Variants in NRG1 observed in about 807,000 individuals in gnomAD.
The protein encoded by NRG1 is neuregulin 1.
Under a neutral mutation model 63.8 loss-of-function variants are expected in NRG1, and 18 were observed. That is an observed-to-expected ratio of 0.28 (90% CI 0.19 to 0.42). NRG1 has a LOEUF of 0.42. Among genes scored for constraint, NRG1 ranks in the 10% least tolerant of loss-of-function variants. The pLI, the probability that NRG1 is intolerant of heterozygous loss-of-function variation, is 1.00. For missense variants in NRG1, 762 were observed against 814.7 expected (o/e 0.94, Z 0.79); for synonymous variants, 302 against 301.3 (o/e 1.00, Z -0.02).
At chr8:32,511,527 C>A (rs780688293) in intron 1 of NRG1, among the ~76,000 whole-genome samples, 17 of 151,686 alleles carry the variant, frequency 1.1e-4, no homozygotes, top group Non-Finnish European at 2.5e-4. Flanking sequence ...CACTTCTGAT[C>A]AGTGTTCCAC....
chr8:31,667,887 C>T (rs1348605281), intron 1 of NRG1, among the ~76,000 whole-genome samples: 2 of 152,090 alleles, frequency 1.3e-5, no homozygotes, highest in African/African-American at 4.8e-5. Flanking sequence ...GAGCTTATGG[C>T]TATTTTCTCG....
intron 1 of NRG1, among the ~76,000 whole-genome samples, chr8:32,206,566 T>G (rs1376535858): frequency 6.6e-6 from 1 of 152,202 alleles, no homozygotes; most frequent in East Asian, 1.9e-4. Flanking sequence ...AAAAGAAAAG[T>G]CTTCTATCTT....
At chr8:32,577,187 G>A (rs959208119) in intron 1 of NRG1, among the ~76,000 whole-genome samples, 3 of 152,186 alleles carry the variant, frequency 2.0e-5, no homozygotes, top group Non-Finnish European at 2.9e-5. Context: ...ATTCCACAGT[G>A]TGTATATACT....
intron 7 of NRG1, among the ~76,000 whole-genome samples, chr8:32,751,969 C>T (rs909076040): frequency 2.0e-5 from 3 of 152,150 alleles, no homozygotes; most frequent in African/African-American, 4.8e-5. Flanking sequence ...TTTTTGAAGT[C>T]TGCAGAAGCA....
intron 1 of NRG1, among the ~76,000 whole-genome samples, chr8:32,173,625 A>T (rs1342372260): frequency 6.6e-6 from 1 of 152,240 alleles, no homozygotes; most frequent in Non-Finnish European, 1.5e-5. Context: ...ACATAGGCTC[A>T]AAATAAAGGG....
chr8:32,121,663 G>T (rs1323564597), intron 1 of NRG1, among the ~76,000 whole-genome samples: 2 of 151,834 alleles, frequency 1.3e-5, no homozygotes, highest in East Asian at 1.9e-4. Context: ...TTACATTTTT[G>T]AAACAAACTA....
Position 32,689,152 on chromosome 8 carries a change from T to C in NRG1, c.503-38797T>C, listed in dbSNP as rs557401735. 2.0e-5 allele frequency among the ~76,000 whole-genome samples: 3 copies of C among 152,346 alleles called. No individual in the cohort carries two copies. In the South Asian group the frequency reaches 6.2e-4, roughly 32 times the overall value. ...CCTATTATTTGTATAGTTTAGGTTT[T>C]TGTGATCAAATAGTAAAATTTGCAA... On this transcript the variant is annotated intron_variant, in intron 5 of 11. Transcript: ENST00000356819.
At chr8:32,340,341 A>C (rs1803909977) in intron 1 of NRG1, among the ~76,000 whole-genome samples, 1 of 152,206 alleles carries the variant, frequency 6.6e-6, no homozygotes, top group Non-Finnish European at 1.5e-5. Flanking sequence ...CTTGAAATTG[A>C]AAAGGGTTAG....
At chr8:32,488,951 G>T (rs944638339) in intron 1 of NRG1, among the ~76,000 whole-genome samples, 1 of 152,208 alleles carries the variant, frequency 6.6e-6, no homozygotes, top group African/African-American at 2.4e-5. Context: ...GCATAAAGCA[G>T]AAGAGACTGA....
Position 31,776,594 on chromosome 8 carries a change from T to A in NRG1, c.37+137163T>A, listed in dbSNP as rs145912961. On this transcript the variant is annotated intron_variant, in intron 1 of 10. Transcript: ENST00000519301. ...AGGGTACATGTGCACAACGAGCAGG[T>A]TTGTTACATATGTATACATGTGCCA... is the stretch of plus-strand genomic sequence containing the variant. 8.8e-3 allele frequency among the ~76,000 whole-genome samples: 1,333 copies of A among 152,148 alleles called. 11 individuals carry two copies. Among genetic ancestry groups the A allele is most frequent in the South Asian group, 0.016 (78 of 4,814 alleles).
At chr8:32,221,675 A>T (rs1206558088) in intron 1 of NRG1, among the ~76,000 whole-genome samples, 1 of 152,134 alleles carries the variant, frequency 6.6e-6, no homozygotes, top group African/African-American at 2.4e-5. Context: ...AGAGGGTGTG[A>T]TTACAGCATA....
chr8:32,022,985 T>G (rs1816692783), intron 1 of NRG1, among the ~76,000 whole-genome samples: 1 of 152,200 alleles, frequency 6.6e-6, no homozygotes, highest in Non-Finnish European at 1.5e-5. Flanking sequence ...CATATATTTG[T>G]ACCATAAAAT....
At chr8:31,894,933 AGT>A (rs1199421058) in intron 1 of NRG1, among the ~76,000 whole-genome samples, 1 of 152,222 alleles carries the variant, frequency 6.6e-6, no homozygotes, top group Non-Finnish European at 1.5e-5. Flanking sequence ...GGAAAAAAAA[AGT>A]GTTTAAAAAC....
At chr8:31,791,417 C>A (rs1820698485) in intron 1 of NRG1, among the ~76,000 whole-genome samples, 1 of 152,018 alleles carries the variant, frequency 6.6e-6, no homozygotes, top group Non-Finnish European at 1.5e-5. Context: ...TATATTAACA[C>A]CATAGGGAAA....
intron 6 of NRG1, among the ~76,000 whole-genome samples, chr8:32,730,950 T>G (rs893162141): frequency 2.0e-5 from 3 of 152,196 alleles, no homozygotes; most frequent in African/African-American, 7.2e-5. Context: ...TATCTATGTC[T>G]CATATTTTTA....
At chr8:32,396,072 A>G (rs1812402930) in intron 1 of NRG1, among the ~76,000 whole-genome samples, 1 of 152,160 alleles carries the variant, frequency 6.6e-6, no homozygotes, top group Non-Finnish European at 1.5e-5. Flanking sequence ...ATTCTGTTCT[A>G]TTGATCTATA....
chr8:32,394,415 C>T (rs1340237843), intron 1 of NRG1, among the ~76,000 whole-genome samples: 2 of 152,234 alleles, frequency 1.3e-5, no homozygotes. Context: ...TACGTCTTCT[C>T]TGTCACTAAC....
chr8:32,064,551 T>G (rs1216991571), intron 1 of NRG1, among the ~76,000 whole-genome samples: 1 of 152,134 alleles, frequency 6.6e-6, no homozygotes, highest in South Asian at 2.1e-4. Flanking sequence ...TCCAACCTCA[T>G]AGATTTTCAA....
At chr8:32,534,661 C>A (rs923708635) in intron 1 of NRG1, among the ~76,000 whole-genome samples, 3 of 152,034 alleles carry the variant, frequency 2.0e-5, no homozygotes, top group African/African-American at 4.8e-5. Flanking sequence ...ATATTAATGT[C>A]TTTTACTGAT....
Sources: allele counts gnomAD v4.1 joint callset (sites outside exome capture counted in the v4.1 genomes callset), GRCh38; gene constraint gnomAD v4.1.1; transcripts MANE v1.5; gene names NCBI Gene and HGNC (gene_info 2026-07-23, HGNC 2026-07-21).